MMP20: variants seen among roughly 807,000 people sequenced by gnomAD.
MMP20 encodes matrix metalloproteinase-20.
MMP20 carries 50 observed loss-of-function variants against 51.8 expected under a neutral mutation model. The observed-to-expected ratio is 0.97, with a 90% CI of 0.77 to 1.22. The LOEUF (loss-of-function observed/expected upper bound fraction) is 1.22. MMP20 is among the 50% of genes most tolerant of loss of function. The pLI is 0.00. For synonymous variants in MMP20, 244 were observed against 216.2 expected (o/e 1.13, Z -1.13); for missense variants, 663 against 601.4 (o/e 1.10, Z -1.07).
At position 102,611,876 on chromosome 11, in the gene MMP20, A is replaced by G; in HGVS notation, c.402T>C (p.Ser134=). 6.2e-7 allele frequency: 1 copy of G among 1,614,154 alleles called. No homozygotes were observed. The highest frequency in any genetic ancestry group is 8.5e-7 in the Non-Finnish European group (1 of 1,179,962). ...YRISKYTPSM[S]SVEVDKAVEM... is the part of the protein sequence containing the mutation. Reference sequence around the variant, plus strand: ...CCACTGCTTTGTCCACCTCGACAGAACTCATGGAAGGTGTGTATTTAGATA... The same window carrying G: ...CCACTGCTTTGTCCACCTCGACAGAGCTCATGGAAGGTGTGTATTTAGATA... Residue 134 remains serine (S), a synonymous_variant, in exon 3 of 10, where the codon AGT becomes AGC. Transcript: ENST00000260228.
At chr11:102,591,718 G>A (rs1196670458) in intron 8 of MMP20, among the ~76,000 whole-genome samples, 2 of 152,180 alleles carry the variant, frequency 1.3e-5, no homozygotes, top group Non-Finnish European at 2.9e-5. Flanking sequence ...GACACTCACA[G>A]AGGCCCAGTT....
intron 1 of MMP20, among the ~76,000 whole-genome samples, chr11:102,618,798 C>G (rs969693446): frequency 2.6e-5 from 4 of 152,018 alleles, no homozygotes; most frequent in African/African-American, 9.7e-5. Flanking sequence ...TTCCTATATT[C>G]CAAAAGTTTT....
intron 6 of MMP20, among the ~76,000 whole-genome samples, chr11:102,601,137 T>A (rs376983352): frequency 1.3e-3 from 31 of 23,088 alleles, no homozygotes; most frequent in South Asian, 2.6e-3. Flanking sequence ...TTTTTTTTTT[T>A]TTTTTTTTTT....
intron 7 of MMP20, among the ~76,000 whole-genome samples, chr11:102,594,017 T>C (rs1049811293): frequency 4.6e-5 from 7 of 152,238 alleles, no homozygotes; most frequent in African/African-American, 1.7e-4. Flanking sequence ...CTGATAGTTA[T>C]CACCTACTGG....
intron 6 of MMP20, among the ~76,000 whole-genome samples, chr11:102,599,779 A>T (rs531020640): frequency 6.6e-6 from 1 of 152,346 alleles, no homozygotes; most frequent in Non-Finnish European, 1.5e-5. Context: ...TTAGTTCATG[A>T]TGAGTCAGAA....
rs549158253 is a variant in MMP20, at chr11:102,597,325, T to C, written c.954-2568A>G. 1.6e-4 allele frequency among the ~76,000 whole-genome samples: 24 copies of C among 152,306 alleles called. No individual in the cohort carries two copies. The South Asian group carries it at 4.1e-3, about 26-fold the overall frequency. ...ATCTTGAATGACTCAACATGAGAAG[T>C]AGTAAAGGGTAGTAGTTACGAGCTC... On this transcript the variant is annotated intron_variant, in intron 6 of 9. Transcript: ENST00000260228.
intron 6 of MMP20, among the ~76,000 whole-genome samples, chr11:102,601,012 A>C (rs1859439114): frequency 6.6e-6 from 1 of 152,082 alleles, no homozygotes; most frequent in African/African-American, 2.4e-5. Flanking sequence ...AAACAGAACT[A>C]AGTTATAATT....
At chr11:102,601,751 T>C (rs1426296744) in intron 6 of MMP20, among the ~76,000 whole-genome samples, 1 of 152,218 alleles carries the variant, frequency 6.6e-6, no homozygotes, top group African/African-American at 2.4e-5. Flanking sequence ...TGAATTTTTC[T>C]AAGTGAACAA....
rs17099059 is a variant in MMP20, at chr11:102,616,221, T to A, written c.374+591A>T. Among the ~76,000 whole-genome samples, 1,026 of 152,280 alleles carry A rather than the reference T, an allele frequency of 6.7e-3. 17 individuals are homozygous for A. Among genetic ancestry groups the A allele is most frequent in the African/African-American group, 0.024 (977 of 41,556 alleles). ...AGGCTCAGATGTTACTGCTGGTCCC[T>A]GGGCCACTTGGTAGCTCTGTCCATG... On this transcript the variant is annotated intron_variant, in intron 2 of 9. Coordinates refer to ENST00000260228, the MANE Select transcript of MMP20 (RefSeq NM_004771.4).
At chr11:102,608,466 A>G (rs1020442307) in intron 5 of MMP20, among the ~76,000 whole-genome samples, 5 of 152,208 alleles carry the variant, frequency 3.3e-5, no homozygotes, top group African/African-American at 1.2e-4. Context: ...CACACCCCAC[A>G]GGTTGGTTGT....
intron 6 of MMP20, among the ~76,000 whole-genome samples, chr11:102,603,897 A>G (rs557762091): frequency 1.3e-5 from 2 of 152,310 alleles, no homozygotes; most frequent in South Asian, 2.1e-4. Context: ...CTCTTGCACC[A>G]ATGTCTCACT....
chr11:102,596,140 T>C (rs1859378123), intron 6 of MMP20, among the ~76,000 whole-genome samples: 1 of 152,228 alleles, frequency 6.6e-6, no homozygotes, highest in African/African-American at 2.4e-5. Flanking sequence ...TGATTGGTGC[T>C]ACGAAGAGTT....
At chr11:102,614,041 G>A (rs1163205259) in intron 2 of MMP20, among the ~76,000 whole-genome samples, 1 of 152,178 alleles carries the variant, frequency 6.6e-6, no homozygotes, top group East Asian at 1.9e-4. Flanking sequence ...TAAAGCAATA[G>A]TAATACTAGC....
At position 102,620,823 on chromosome 11, in the gene MMP20, A is replaced by G. The variant is rs1859740956; in HGVS notation, c.127-3764T>C. ...CACGACTACACTAAATGTCATTCTCAGTGTCAGGTTCCAGCCCATGCTGAG... is the reference window on the plus strand; with the variant it reads ...CACGACTACACTAAATGTCATTCTCGGTGTCAGGTTCCAGCCCATGCTGAG... On this transcript the variant is annotated intron_variant, in intron 1 of 9. Coordinates refer to ENST00000260228, the MANE Select transcript of MMP20 (RefSeq NM_004771.4). Among the ~76,000 whole-genome samples the G allele has an allele frequency of 3.9e-5, 6 of 152,196 alleles. No homozygotes were observed. The South Asian group carries it at 8.3e-4, about 21-fold the overall frequency.
chr11:102,584,606 A>T (rs1011946817), intron 8 of MMP20, among the ~76,000 whole-genome samples: 1 of 152,166 alleles, frequency 6.6e-6, no homozygotes, highest in African/African-American at 2.4e-5. Flanking sequence ...TGTACTGTGA[A>T]GCAGAAAAGT....
intron 8 of MMP20, among the ~76,000 whole-genome samples, chr11:102,582,938 T>A (rs772916863): frequency 2.0e-4 from 31 of 152,236 alleles, no homozygotes; most frequent in Admixed American, 7.9e-4. Context: ...GGCAGTCTTA[T>A]ATCCTCACAT....
chr11:102,581,136 G>A (rs1272862989), intron 8 of MMP20, among the ~76,000 whole-genome samples: 2 of 151,394 alleles, frequency 1.3e-5, no homozygotes, highest in African/African-American at 4.9e-5. Context: ...GGTCATGAGG[G>A]TAAGAGACAA....
chr11:102,620,801 G>A (rs578139662), intron 1 of MMP20, among the ~76,000 whole-genome samples: 15 of 152,266 alleles, frequency 9.9e-5, no homozygotes, highest in Admixed American at 4.6e-4. Flanking sequence ...TTGGGGCCAC[G>A]ACTACACTAA....
In MMP20 at chr11:102,609,758, T is replaced by A. The variant is rs549529612; in HGVS notation, c.649+147A>T. ...GGGTGGATTTTTTTCCCTTATGTGA[T>A]CCCTTTTGGATTTTTGGCTTACTTG... On this transcript the variant is annotated intron_variant, in intron 4 of 9. Transcript: ENST00000260228. The A allele has an allele frequency of 7.5e-6, 8 of 1,064,370 alleles. No individual in the cohort carries two copies. In the Admixed American group the frequency reaches 9.7e-5, roughly 13 times the overall value. The allele number at this position is 1,064,370 out of a possible 1,614,324, so 65.9% of individuals were successfully genotyped here. A position where few individuals can be genotyped will look rare whatever the true frequency, so the allele number is the denominator to read the frequency against.
Sources: allele counts gnomAD v4.1 joint callset (sites outside exome capture counted in the v4.1 genomes callset), GRCh38; gene constraint gnomAD v4.1.1; transcripts MANE v1.5; gene names NCBI Gene and HGNC (gene_info 2026-07-23, HGNC 2026-07-21).